DCAF8L2: variants seen among roughly 807,000 people sequenced by gnomAD.
DCAF8L2 encodes the protein DDB1- and CUL4-associated factor 8-like protein 2.
For synonymous variants in DCAF8L2, 200 were observed against 190.9 expected (o/e 1.05, Z -0.39); for missense variants, 430 against 490.7 (o/e 0.88, Z 1.17).
At chrX:27,587,988 ATATAT>A (rs1569152523), upstream of DCAF8L2, among the ~76,000 whole-genome samples, 1,313 of 13,227 alleles carry the variant, frequency 0.099, 32 homozygotes, top group African/African-American at 0.13. Flanking sequence ...AAAAAAAAAT[ATATAT>A]ATATATATAT....
chrX:27,682,195 C>T (rs187807874), intron 3 of DCAF8L2, among the ~76,000 whole-genome samples: 33 of 111,764 alleles, frequency 3.0e-4, no homozygotes, highest in Non-Finnish European at 3.4e-4. Flanking sequence ...AAATTTCTGA[C>T]ATCCAGTGAT....
the DCAF8L2 span, among the ~76,000 whole-genome samples, chrX:27,469,988 G>A: frequency 1.2e-4 from 13 of 110,511 alleles, no homozygotes; most frequent in Admixed American, 1.1e-3. Flanking sequence ...GGCTGGTCTC[G>A]AACTCCTCAC....
At chrX:27,619,455 C>G (rs949708242) in intron 1 of DCAF8L2, among the ~76,000 whole-genome samples, 1 of 111,189 alleles carries the variant, frequency 9.0e-6, no homozygotes, top group African/African-American at 3.3e-5. Flanking sequence ...TTACAGGGAT[C>G]TGGGTTTCCC....
the DCAF8L2 span, among the ~76,000 whole-genome samples, chrX:27,574,781 G>A: frequency 2.7e-5 from 3 of 111,156 alleles, no homozygotes; most frequent in Non-Finnish European, 3.8e-5. Flanking sequence ...TCAGTGCCCC[G>A]CTGCTCAAAC....
At chrX:27,647,108 A>G in intron 2 of DCAF8L2, among the ~76,000 whole-genome samples, 1 of 112,112 alleles carries the variant, frequency 8.9e-6, no homozygotes, top group East Asian at 2.8e-4. Context: ...ATACATGCAA[A>G]TGTATGTTCA....
At chrX:27,473,709 A>G in the DCAF8L2 span, among the ~76,000 whole-genome samples, 1 of 110,883 alleles carries the variant, frequency 9.0e-6, no homozygotes, top group Non-Finnish European at 1.9e-5. Flanking sequence ...GAGAAATATC[A>G]TTCTAATATA....
rs369460010 is a variant in DCAF8L2 at position 27,748,028 on chromosome X, A to G, written c.1133A>G (p.Asn378Ser). 4.1e-6 allele frequency: 5 copies of G among 1,212,136 alleles called. No individual in the cohort carries two copies. The South Asian group carries it at 5.3e-5, about 13-fold the overall frequency. Residue 378 changes from asparagine to serine, a missense_variant, in exon 5 of 5, where the codon AAT becomes AGT. By Grantham distance (46) the Asn-to-Ser change is conservative (BLOSUM62 1). Coordinates refer to ENST00000451261, the MANE Select transcript of DCAF8L2 (RefSeq NM_001353450.2). ...TATACAATTACTGTGAATCCCGCCA[A>G]TACCTACCAATTTGCAGTGGGTGGA... is the stretch of plus-strand genomic sequence containing the variant. ...GLYTITVNPA[N>S]TYQFAVGGQD...
At chrX:27,574,665 C>T in the DCAF8L2 span, among the ~76,000 whole-genome samples, 2 of 111,768 alleles carry the variant, frequency 1.8e-5, no homozygotes, top group African/African-American at 6.5e-5. Flanking sequence ...CTGTTCTGAC[C>T]GATTTAGTGT....
intron 1 of DCAF8L2, among the ~76,000 whole-genome samples, chrX:27,626,352 T>A (rs1928007208): frequency 8.9e-6 from 1 of 111,889 alleles, no homozygotes. Context: ...GCTTCTCACC[T>A]CCAATCTCTA....
the DCAF8L2 span, among the ~76,000 whole-genome samples, chrX:27,556,622 T>G: frequency 0.028 from 3,142 of 111,658 alleles, 105 homozygotes; most frequent in African/African-American, 0.096. Context: ...AAATTTTACT[T>G]AAAGGAAGAA....
chrX:27,608,634 T>C (rs1300756439), intron 1 of DCAF8L2, among the ~76,000 whole-genome samples: 1 of 111,388 alleles, frequency 9.0e-6, no homozygotes, highest in Admixed American at 9.6e-5. Flanking sequence ...GGCATGTAGT[T>C]GATCCTCTTC....
chrX:27,472,881 A>G, the DCAF8L2 span, among the ~76,000 whole-genome samples: 1 of 111,922 alleles, frequency 8.9e-6, no homozygotes, highest in Non-Finnish European at 1.9e-5. Flanking sequence ...TCTGACTGTG[A>G]TAAGCTTTAT....
At chrX:27,686,682 A>T (rs994552525) in intron 3 of DCAF8L2, among the ~76,000 whole-genome samples, 1 of 111,841 alleles carries the variant, frequency 8.9e-6, no homozygotes, top group Non-Finnish European at 1.9e-5. Context: ...CCTATAGTTA[A>T]TGACAATGTA....
At chrX:27,642,783 A>G (rs1432583983) in intron 2 of DCAF8L2, among the ~76,000 whole-genome samples, 1 of 112,071 alleles carries the variant, frequency 8.9e-6, no homozygotes, top group Non-Finnish European at 1.9e-5. Flanking sequence ...TATTTTCCAA[A>G]TATAATTGAT....
At chrX:27,724,024 T>A (rs1931990829) in intron 4 of DCAF8L2, among the ~76,000 whole-genome samples, 1 of 110,901 alleles carries the variant, frequency 9.0e-6, no homozygotes, top group Admixed American at 9.7e-5. Flanking sequence ...TTTTCATATT[T>A]GCATATATTT....
At chrX:27,614,446 A>G (rs889558917) in intron 1 of DCAF8L2, among the ~76,000 whole-genome samples, 6 of 109,293 alleles carry the variant, frequency 5.5e-5, no homozygotes, top group African/African-American at 2.0e-4. Flanking sequence ...TTGTGTCTCT[A>G]TCTCCTTCAG....
At chrX:27,533,906 G>A in the DCAF8L2 span, among the ~76,000 whole-genome samples, 3 of 112,181 alleles carry the variant, frequency 2.7e-5, no homozygotes, top group Admixed American at 1.9e-4. Flanking sequence ...CAGGCTGGGC[G>A]TGGTGGCTCA....
intron 4 of DCAF8L2, 54 bp from the exon 5 acceptor site, chrX:27,746,784 C>T (rs1922190772): frequency 1.4e-6 from 1 of 689,746 alleles, no homozygotes; most frequent in Non-Finnish European, 2.1e-6. Flanking sequence ...GATTGCCACG[C>T]GCTTACTTCC....
At chrX:27,684,434 T>C (rs1263440187) in intron 3 of DCAF8L2, among the ~76,000 whole-genome samples, 1 of 112,156 alleles carries the variant, frequency 8.9e-6, no homozygotes, top group East Asian at 2.8e-4. Context: ...AGGCTTAAAT[T>C]GCAGAAACTG....
Sources: gnomAD v4.1 joint callset for allele counts (sites outside exome capture counted in the v4.1 genomes callset) on GRCh38, gnomAD v4.1.1 for gene constraint, MANE v1.5 for transcripts, NCBI Gene and HGNC (gene_info 2026-07-23, HGNC 2026-07-21) for gene names.